The following EPAS1 variants were observed in gnomAD, a reference collection of about 807,000 sequenced individuals.
EPAS1 encodes the protein endothelial PAS domain-containing protein 1.
In EPAS1, 23 loss-of-function variants were observed where a neutral mutation model predicts 87.9. The observed-to-expected ratio is 0.26, with a 90% CI of 0.19 to 0.37. The LOEUF (loss-of-function observed/expected upper bound fraction) is 0.37. Ranked by LOEUF, EPAS1 falls within the 10% of genes least tolerant of loss-of-function variation. The pLI is 1.00. For missense variants in EPAS1, 1,138 were observed against 1,120.7 expected, an observed-to-expected ratio of 1.02 and a Z score of -0.22; for synonymous variants, 508 against 444.3, an observed-to-expected ratio of 1.14 and a Z score of -1.80.
At chr2:46,319,331 G>C (rs994017737) in intron 1 of EPAS1, among the ~76,000 whole-genome samples, 5 of 152,176 alleles carry the variant, frequency 3.3e-5, no homozygotes, top group African/African-American at 1.2e-4. Flanking sequence ...TTCTTCAGTG[G>C]TATTCCTGTG....
At chr2:46,303,070 CAAAG>C (rs1006161265) in intron 1 of EPAS1, among the ~76,000 whole-genome samples, 1 of 151,948 alleles carries the variant, frequency 6.6e-6, no homozygotes, top group Admixed American at 6.6e-5. Flanking sequence ...GAGACAACGT[CAAAG>C]AAAGAAAGAA....
rs961957573 is a variant in EPAS1, at chr2:46,371,054, C to T, written c.886+1121C>T. Among the ~76,000 whole-genome samples the T allele has an allele frequency of 3.3e-5, 5 of 152,130 alleles. No individual in the cohort carries two copies. Among genetic ancestry groups the T allele is most frequent in the Admixed American group, 6.5e-5 (1 of 15,268 alleles). ...CAGGCACTAAATGCACTATATAAAC[C>T]GATGGGCAAGACTGTATTTGGAAAA... is the stretch of plus-strand genomic sequence containing the variant. On this transcript the variant is annotated intron_variant, in intron 7 of 15. Coordinates refer to ENST00000263734, the MANE Select transcript of EPAS1 (RefSeq NM_001430.5). The surrounding 1 kb of genome is among the most constrained non-coding windows in gnomAD (Gnocchi z 4.3).
rs376773643 is a variant in EPAS1, at chr2:46,316,058, A to G, written c.26+18121A>G. The stretch of plus-strand genomic sequence containing the variant: ...AACCACTGTTAACTCTTTGGTGAAC[A>G]TACTTTTCTCTATATCATGAATATT... On this transcript the variant is annotated intron_variant, in intron 1 of 15. Transcript: ENST00000263734. Among the ~76,000 whole-genome samples, 17 of 152,354 alleles carry G rather than the reference A, an allele frequency of 1.1e-4. No homozygotes were observed. The South Asian group carries it at 2.1e-3, about 19-fold the overall frequency.
chr2:46,370,860 T>C (rs1684614053), intron 7 of EPAS1, among the ~76,000 whole-genome samples: 1 of 152,142 alleles, frequency 6.6e-6, no homozygotes, highest in South Asian at 2.1e-4. Context: ...GTGCAAGGGC[T>C]CTGGGCCTAT....
At chr2:46,351,827 G>T (rs1307566939) in intron 2 of EPAS1, among the ~76,000 whole-genome samples, 1 of 152,138 alleles carries the variant, frequency 6.6e-6, no homozygotes, top group Admixed American at 6.5e-5. Flanking sequence ...GGGCAGCCTG[G>T]TCTCTGAGAC....
intron 6 of EPAS1, among the ~76,000 whole-genome samples, chr2:46,367,832 C>T (rs900047192): frequency 2.6e-5 from 4 of 152,202 alleles, no homozygotes; most frequent in Admixed American, 2.6e-4. Flanking sequence ...CTCTTCTCTG[C>T]CCACTTCAAA....
chr2:46,343,205 C>T (rs1043759470), intron 1 of EPAS1, among the ~76,000 whole-genome samples: 4 of 152,192 alleles, frequency 2.6e-5, no homozygotes, highest in African/African-American at 9.7e-5. Flanking sequence ...CCCCCGCCGA[C>T]CCCATCTGAA....
Position 46,374,394 on chromosome 2 carries a change from G to A in EPAS1, c.887-1296G>A, listed in dbSNP as rs1027933995. 2.6e-5 allele frequency among the ~76,000 whole-genome samples: 4 copies of A among 152,136 alleles called. No individual in the cohort carries two copies. The East Asian group carries it at 7.7e-4, about 29-fold the overall frequency. ...TATGTATTAGTATCTCTAAGAAAGA[G>A]GTGGCTTTTCCTATACAAAATTTGT... On this transcript the variant is annotated intron_variant, in intron 7 of 15. Coordinates refer to ENST00000263734, the MANE Select transcript of EPAS1 (RefSeq NM_001430.5).
At position 46,380,062 on chromosome 2, in the gene EPAS1, C is replaced by A; in HGVS notation, c.1555-165C>A. On this transcript the variant is annotated intron_variant, in intron 11 of 15. Transcript: ENST00000263734. The surrounding 1 kb of genome is among the most constrained non-coding windows in gnomAD (Gnocchi z 4.4). Reference sequence around the variant, plus strand: ...TACAAGGTCGTGTACATGACACAGCCAAGTCTGAGGTTTTCCTGATAGGCC... The same window carrying A: ...TACAAGGTCGTGTACATGACACAGCAAAGTCTGAGGTTTTCCTGATAGGCC... The A allele has an allele frequency of 9.2e-7, 1 of 1,092,734 alleles. No individual in the cohort carries two copies. The highest frequency in any genetic ancestry group is 1.4e-6 in the Non-Finnish European group (1 of 723,804). 67.7% of individuals were successfully genotyped at this position (1,092,734 alleles called of 1,614,324 possible).
chr2:46,339,649 G>A (rs1683868299), intron 1 of EPAS1, among the ~76,000 whole-genome samples: 1 of 152,230 alleles, frequency 6.6e-6, no homozygotes, highest in African/African-American at 2.4e-5. Context: ...TCACTAATAT[G>A]TAGAATAAAG....
At position 46,346,502 on chromosome 2, in the gene EPAS1, C is replaced by A. The variant is rs1249099884; in HGVS notation, c.27-371C>A. ...AAGCCATCTGAGCCACTGATCATAG[C>A]TTCCTTACCCTTCTCTTTCCATCCC... On this transcript the variant is annotated intron_variant, in intron 1 of 15. Transcript: ENST00000263734. The surrounding 1 kb of genome is among the most constrained non-coding windows in gnomAD (Gnocchi z 4.0). Among the ~76,000 whole-genome samples the A allele has an allele frequency of 2.0e-5, 3 of 152,224 alleles. No homozygotes were observed. The highest frequency in any genetic ancestry group is 7.2e-5 in the African/African-American group (3 of 41,446).
chr2:46,364,317 C>T (rs1684460436), intron 6 of EPAS1, among the ~76,000 whole-genome samples: 1 of 152,046 alleles, frequency 6.6e-6, no homozygotes, highest in Non-Finnish European at 1.5e-5. Context: ...AGTTAGAATC[C>T]ACAAAATCAA....
intron 9 of EPAS1, among the ~76,000 whole-genome samples, chr2:46,377,562 G>C (rs943456668): frequency 2.6e-5 from 4 of 152,236 alleles, no homozygotes; most frequent in African/African-American, 7.2e-5. Flanking sequence ...GAGGCAAATA[G>C]CTCAATAGCC....
At chr2:46,309,036 G>C (rs77373362) in intron 1 of EPAS1, among the ~76,000 whole-genome samples, 1,993 of 152,292 alleles carry the variant, frequency 0.013, 33 homozygotes, top group African/African-American at 0.042. Context: ...ATTTTTTCCT[G>C]TTCTTTTTTC....
intron 1 of EPAS1, among the ~76,000 whole-genome samples, chr2:46,343,022 A>G (rs1683941913): frequency 6.6e-6 from 1 of 152,144 alleles, no homozygotes; most frequent in Non-Finnish European, 1.5e-5. Flanking sequence ...ACCCAAAACA[A>G]AAAGAAACAC....
intron 1 of EPAS1, among the ~76,000 whole-genome samples, chr2:46,342,088 C>A (rs1272837464): frequency 6.6e-6 from 1 of 152,152 alleles, no homozygotes; most frequent in Admixed American, 6.5e-5. Context: ...ACTCCCATTG[C>A]CCAGCCTGCA....
intron 3 of EPAS1, 141 bp from the exon 4 acceptor site, chr2:46,356,583 A>G (rs1558600444): frequency 2.6e-6 from 2 of 764,254 alleles, no homozygotes; most frequent in Admixed American, 3.9e-5. Flanking sequence ...CTGTCTGTGG[A>G]CCTGACACTG....
At chr2:46,331,527 G>A (rs11902435) in intron 1 of EPAS1, among the ~76,000 whole-genome samples, 1 of 152,142 alleles carries the variant, frequency 6.6e-6, no homozygotes, top group African/African-American at 2.4e-5. Context: ...GTGGCATAGA[G>A]TTGTGGGGTT....
At chr2:46,356,657 A>G in intron 3 of EPAS1, 67 bp from the exon 4 acceptor site, 1 of 1,288,480 alleles carries the variant, frequency 7.8e-7, no homozygotes. Context: ...AAGGTGGCTC[A>G]GCTTACTCTT....
Sources: allele counts gnomAD v4.1 joint callset (sites outside exome capture counted in the v4.1 genomes callset), GRCh38; gene constraint gnomAD v4.1.1; non-coding constraint Gnocchi (gnomAD v3.1); transcripts MANE v1.5; gene names NCBI Gene and HGNC (gene_info 2026-07-23, HGNC 2026-07-21).